VPS53: variants seen among roughly 807,000 people sequenced by gnomAD.
VPS53 encodes the protein vacuolar protein sorting-associated protein 53 homolog.
In VPS53, 70 loss-of-function variants were observed where a neutral mutation model predicts 107.0. The ratio of observed to expected loss-of-function variants is 0.65; its 90% CI spans 0.54 to 0.80. The LOEUF is 0.80. Among genes scored for constraint, VPS53 ranks in the 30% least tolerant of loss-of-function variants. The pLI is 0.00. For synonymous variants in VPS53, 409 were observed against 393.3 expected (o/e 1.04, Z -0.47); for missense variants, 917 against 1,049.4 (o/e 0.87, Z 1.74).
chr17:704,816 G>C lies in VPS53; in HGVS notation c.169-5436C>G, dbSNP rs927504444. ...ACACCACAAGAGGTGAGAACCTGGT[G>C]GTTTCCTACAAAATTTTCAAATCTA... On this transcript the variant is annotated intron_variant, in intron 2 of 21. Transcript: ENST00000437048. Among the ~76,000 whole-genome samples the C allele has an allele frequency of 2.6e-5, 4 of 152,056 alleles. No homozygotes were observed. The East Asian group carries it at 5.8e-4, about 22-fold the overall frequency.
chr17:582,919 C>T (rs1289844543), intron 13 of VPS53, among the ~76,000 whole-genome samples: 8 of 152,024 alleles, frequency 5.3e-5, no homozygotes, highest in African/African-American at 1.2e-4. Context: ...AGAGAACCTC[C>T]CTCAGGACCT....
intron 4 of VPS53, among the ~76,000 whole-genome samples, chr17:666,305 T>C (rs539933374): frequency 1.3e-5 from 2 of 152,284 alleles, no homozygotes; most frequent in Non-Finnish European, 2.9e-5. Context: ...CGATGGGTGT[T>C]ACAGAAGCCA....
chr17:648,321 G>T (rs1970787039), intron 7 of VPS53, among the ~76,000 whole-genome samples: 1 of 152,206 alleles, frequency 6.6e-6, no homozygotes, highest in Non-Finnish European at 1.5e-5. Context: ...ACTGAGACAG[G>T]TGGATCACTT....
At chr17:547,199 C>A (rs933803986) in intron 17 of VPS53, among the ~76,000 whole-genome samples, 5 of 152,094 alleles carry the variant, frequency 3.3e-5, no homozygotes, top group African/African-American at 1.2e-4. Context: ...TTGAAGAGAA[C>A]TGAAAACATG....
chr17:574,007 G>C (rs539011516), intron 13 of VPS53, among the ~76,000 whole-genome samples: 24 of 152,302 alleles, frequency 1.6e-4, no homozygotes, highest in African/African-American at 5.3e-4. Flanking sequence ...TTTTTGACAA[G>C]AGCGTCGATG....
At chr17:560,076 C>T (rs1000708165) in intron 15 of VPS53, among the ~76,000 whole-genome samples, 1 of 152,246 alleles carries the variant, frequency 6.6e-6, no homozygotes, top group Admixed American at 6.5e-5. Context: ...GACTCATCAT[C>T]ACCAAAGGCT....
In VPS53 at chr17:562,518, GAGA is replaced by G; in HGVS notation, c.1538_1540del (p.Leu513_Ser514delinsPro). ...CAGGACTCACTTGGGCAGGTTGCCA[GAGA>G]GGATTTTCCAGGCGTATTCTCGGAG... On this transcript the variant is annotated inframe_deletion, in exon 14 of 22. Coordinates refer to ENST00000437048, the MANE Select transcript of VPS53 (RefSeq NM_001128159.3). The G allele has an allele frequency of 6.2e-7, 1 of 1,614,130 alleles. No individual in the cohort carries two copies. Among genetic ancestry groups the G allele is most frequent in the Admixed American group, 1.7e-5 (1 of 60,006 alleles).
At chr17:712,147 AG>A (rs1973666784) in intron 1 of VPS53, among the ~76,000 whole-genome samples, 1 of 137,670 alleles carries the variant, frequency 7.3e-6, no homozygotes, top group Admixed American at 7.4e-5. Context: ...TTCAGGGCAG[AG>A]TGATTTTCAT....
chr17:603,149 G>A (rs1016799399), intron 11 of VPS53, among the ~76,000 whole-genome samples: 13 of 152,220 alleles, frequency 8.5e-5, no homozygotes, highest in Admixed American at 7.9e-4. Context: ...CAAAGGCCGG[G>A]TGCAGTGGCT....
At chr17:623,183 A>C (rs139996038) in intron 11 of VPS53, among the ~76,000 whole-genome samples, 1,783 of 152,306 alleles carry the variant, frequency 0.012, 16 homozygotes, top group Middle Eastern at 0.037. Flanking sequence ...GTAAACCCTA[A>C]AGTAAAAACA....
intron 7 of VPS53, among the ~76,000 whole-genome samples, chr17:645,166 C>T (rs955183790): frequency 6.6e-6 from 1 of 152,114 alleles, no homozygotes; most frequent in African/African-American, 2.4e-5. Flanking sequence ...GTACAGGCAG[C>T]AAAAGCAAAA....
intron 8 of VPS53, among the ~76,000 whole-genome samples, chr17:629,809 C>CACACACA (rs1290397212): frequency 7.1e-5 from 10 of 140,794 alleles, no homozygotes; most frequent in African/African-American, 1.9e-4. Context: ...AAAAAAAAAA[C>CACACACA]CACACACACA....
chr17:714,324 G>A (rs969437611), intron 1 of VPS53: 4 of 411,688 alleles, frequency 9.7e-6, no homozygotes, highest in African/African-American at 4.2e-5. Flanking sequence ...CAGAATCTGA[G>A]GATGGCACCC....
intron 12 of VPS53, among the ~76,000 whole-genome samples, chr17:590,173 CTGTT>C (rs1967560597): frequency 6.6e-6 from 1 of 151,478 alleles, no homozygotes; most frequent in African/African-American, 2.4e-5. Context: ...ATTTGGCTCT[CTGTT>C]TGTCTGTTGT....
At chr17:588,999 T>C (rs1191678164) in intron 12 of VPS53, among the ~76,000 whole-genome samples, 1 of 152,170 alleles carries the variant, frequency 6.6e-6, no homozygotes, top group African/African-American at 2.4e-5. Flanking sequence ...CTAGATATCA[T>C]GGATTCAGAT....
chr17:576,855 C>T (rs567922198), intron 13 of VPS53, among the ~76,000 whole-genome samples: 1 of 151,572 alleles, frequency 6.6e-6, no homozygotes, highest in African/African-American at 2.4e-5. Flanking sequence ...CAGTGCATTC[C>T]CAGAGAACCT....
At chr17:706,773 C>A (rs115857870) in intron 2 of VPS53, among the ~76,000 whole-genome samples, 1,652 of 152,056 alleles carry the variant, frequency 0.011, 29 homozygotes, top group African/African-American at 0.038. Context: ...ACTTTCATGC[C>A]CTCAGGTACC....
intron 11 of VPS53, among the ~76,000 whole-genome samples, chr17:609,959 C>G (rs183707191): frequency 1.4e-3 from 213 of 152,000 alleles, no homozygotes; most frequent in African/African-American, 3.9e-3. Flanking sequence ...GAAACCGTCT[C>G]TACTAAAAAT....
intron 7 of VPS53, 144 bp downstream of exon 7, chr17:653,147 T>C (rs1011216717): frequency 2.4e-5 from 38 of 1,559,392 alleles, no homozygotes; most frequent in Middle Eastern, 4.7e-4. Context: ...CCCCATATAC[T>C]TTCCCTCCGG....
Sources: gnomAD v4.1 joint callset for allele counts (sites outside exome capture counted in the v4.1 genomes callset) on GRCh38, gnomAD v4.1.1 for gene constraint, MANE v1.5 for transcripts, NCBI Gene and HGNC (gene_info 2026-07-23, HGNC 2026-07-21) for gene names.